The following ROBO1 variants were observed in gnomAD, a reference collection of about 807,000 sequenced individuals.
ROBO1 encodes the protein roundabout homolog 1.
In ROBO1, 149 loss-of-function variants were observed where a neutral mutation model predicts 195.9. That is an observed-to-expected ratio of 0.76 (90% CI 0.67 to 0.87). The LOEUF (loss-of-function observed/expected upper bound fraction) is 0.87, where lower values mean the gene tolerates loss of function less well. Among genes scored for constraint, ROBO1 ranks in the 40% least tolerant of loss-of-function variants. The pLI is 0.00. For missense variants in ROBO1, 1,933 were observed against 2,068.3 expected, an observed-to-expected ratio of 0.93 and a Z score of 1.27; for synonymous variants, 816 against 733.2, an observed-to-expected ratio of 1.11 and a Z score of -1.82.
intron 4 of ROBO1, among the ~76,000 whole-genome samples, chr3:78,767,307 C>G (rs958037716): frequency 4.6e-5 from 7 of 151,794 alleles, no homozygotes; most frequent in African/African-American, 7.3e-5. Flanking sequence ...AGGGTCTCAC[C>G]CAGGCTGGAG....
chr3:79,454,611 T>C (rs1472170374), intron 2 of ROBO1, among the ~76,000 whole-genome samples: 5 of 152,258 alleles, frequency 3.3e-5, no homozygotes, highest in African/African-American at 1.2e-4. Flanking sequence ...AAAATAGTGA[T>C]GAGAAACTAA....
chr3:79,635,253 C>A (rs147659058), intron 1 of ROBO1, among the ~76,000 whole-genome samples: 7 of 152,272 alleles, frequency 4.6e-5, no homozygotes, highest in African/African-American at 1.7e-4. Flanking sequence ...GATGCTTACA[C>A]AATCAGTGCA....
chr3:78,718,978 G>GGTCC (rs1244201270), intron 5 of ROBO1, among the ~76,000 whole-genome samples: 1 of 152,152 alleles, frequency 6.6e-6, no homozygotes, highest in African/African-American at 2.4e-5. Flanking sequence ...GTAAAGGTGA[G>GGTCC]GTCCCCTCAC....
chr3:78,806,825 C>T lies in ROBO1; in HGVS notation c.500-59925G>A, dbSNP rs529043741. Among the ~76,000 whole-genome samples, 11 of 150,752 alleles carry T rather than the reference C, an allele frequency of 7.3e-5. No homozygotes were observed. The South Asian group carries it at 1.3e-3, about 17-fold the overall frequency. ...TTTTTTAAATATCTTTTTTTTTTCC[C>T]GATACAGAGTCTCACTCTGTTGCCC... On this transcript the variant is annotated intron_variant, in intron 4 of 30. Coordinates refer to ENST00000464233, the MANE Select transcript of ROBO1 (RefSeq NM_002941.4).
At position 79,392,279 on chromosome 3, in the gene ROBO1, C is replaced by T. The variant is rs576120352; in HGVS notation, c.88+197545G>A. Among the ~76,000 whole-genome samples the T allele has an allele frequency of 2.6e-5, 4 of 152,224 alleles. No homozygotes were observed. In the East Asian group the frequency reaches 5.8e-4, roughly 22 times the overall value. ...AGGTGGACAACCAGACCTCCTCAGT[C>T]GAGAAAACATTTTGTGTATTAGTGT... On this transcript the variant is annotated intron_variant, in intron 2 of 30. Coordinates refer to ENST00000464233, the MANE Select transcript of ROBO1 (RefSeq NM_002941.4).
At chr3:79,044,170 A>C (rs1006443581) in intron 3 of ROBO1, among the ~76,000 whole-genome samples, 9 of 151,968 alleles carry the variant, frequency 5.9e-5, no homozygotes, top group African/African-American at 2.2e-4. Context: ...TCATCTTTTA[A>C]GAAAGTATAC....
chr3:79,121,443 T>A (rs1162136837), intron 3 of ROBO1, among the ~76,000 whole-genome samples: 1 of 149,274 alleles, frequency 6.7e-6, no homozygotes, highest in Non-Finnish European at 1.5e-5. Context: ...TTCTCTTTTG[T>A]TTTTTTTAAT....
At chr3:79,209,485 A>G (rs2081933149) in intron 2 of ROBO1, among the ~76,000 whole-genome samples, 1 of 151,954 alleles carries the variant, frequency 6.6e-6, no homozygotes, top group Non-Finnish European at 1.5e-5. Flanking sequence ...TTTTTATATT[A>G]TATAATGACT....
At chr3:78,802,501 A>G (rs2084399210) in intron 4 of ROBO1, among the ~76,000 whole-genome samples, 2 of 152,198 alleles carry the variant, frequency 1.3e-5, no homozygotes, top group Non-Finnish European at 2.9e-5. Flanking sequence ...TACTCCAAAT[A>G]TGTAACCAAG....
At chr3:78,822,031 T>A (rs2031032696) in intron 4 of ROBO1, among the ~76,000 whole-genome samples, 1 of 151,728 alleles carries the variant, frequency 6.6e-6, no homozygotes, top group Admixed American at 6.6e-5. Context: ...AGTTGTCCCA[T>A]CTGAAAGGAG....
At chr3:79,658,771 A>ATT (rs377111978) in intron 1 of ROBO1, among the ~76,000 whole-genome samples, 3 of 142,024 alleles carry the variant, frequency 2.1e-5, no homozygotes, top group Admixed American at 7.1e-5. Flanking sequence ...TTCAAAATCT[A>ATT]TTTTTTTTTT....
chr3:79,751,417 T>A (rs1241455460), intron 1 of ROBO1, among the ~76,000 whole-genome samples: 1 of 152,194 alleles, frequency 6.6e-6, no homozygotes, highest in East Asian at 1.9e-4. Flanking sequence ...TCATATTTTC[T>A]ACTAGAAATT....
At chr3:78,943,298 T>A (rs17016631) in intron 3 of ROBO1, among the ~76,000 whole-genome samples, 2,777 of 152,222 alleles carry the variant, frequency 0.018, 95 homozygotes, top group African/African-American at 0.063. Flanking sequence ...AATGACCAAT[T>A]ACAGAATCTG....
At chr3:79,492,742 A>G (rs1479031233) in intron 2 of ROBO1, among the ~76,000 whole-genome samples, 13 of 152,240 alleles carry the variant, frequency 8.5e-5, no homozygotes, top group Admixed American at 2.0e-4. Flanking sequence ...ATAATGTATT[A>G]GCATTGCATG....
intron 5 of ROBO1, among the ~76,000 whole-genome samples, chr3:78,727,234 T>G (rs1425172096): frequency 1.3e-5 from 2 of 151,934 alleles, no homozygotes; most frequent in Non-Finnish European, 2.9e-5. Context: ...TTCATATAAT[T>G]CAGATATTAT....
At chr3:78,629,997 GC>G (rs1705084273) in intron 25 of ROBO1, among the ~76,000 whole-genome samples, 1 of 152,116 alleles carries the variant, frequency 6.6e-6, no homozygotes, top group Non-Finnish European at 1.5e-5. Flanking sequence ...GCTTAAAATG[GC>G]CCTCAAAAGA....
At chr3:79,283,574 C>T (rs1463034775) in intron 2 of ROBO1, among the ~76,000 whole-genome samples, 1 of 152,144 alleles carries the variant, frequency 6.6e-6, no homozygotes, top group African/African-American at 2.4e-5. Context: ...AAGGAAATAT[C>T]GGAATTGCTC....
chr3:78,837,105 C>T (rs1273104634), intron 4 of ROBO1, among the ~76,000 whole-genome samples: 1 of 152,056 alleles, frequency 6.6e-6, no homozygotes, highest in African/African-American at 2.4e-5. Flanking sequence ...ACTTTTAAAT[C>T]AATTAATAAA....
Position 78,875,699 on chromosome 3 carries a change from A to G in ROBO1, c.499+62902T>C, listed in dbSNP as rs534893911. Among the ~76,000 whole-genome samples the G allele has an allele frequency of 5.3e-5, 8 of 152,178 alleles. No homozygotes were observed. In the East Asian group the frequency reaches 1.5e-3, roughly 29 times the overall value. ...CCTGGCAGTCTCCAAACATCAGAAC[A>G]TTCATTCAATTTGGTTTTAGGAAGC... On this transcript the variant is annotated intron_variant, in intron 4 of 30. Transcript: ENST00000464233.
Sources: allele counts gnomAD v4.1 joint callset (sites outside exome capture counted in the v4.1 genomes callset), GRCh38; gene constraint gnomAD v4.1.1; transcripts MANE v1.5; gene names NCBI Gene and HGNC (gene_info 2026-07-23, HGNC 2026-07-21).